The following TTPA variants were observed in gnomAD, a reference collection of about 807,000 sequenced individuals.
TTPA encodes the protein alpha tocopherol transfer protein.
A neutral mutation model predicts 25.9 loss-of-function variants in TTPA; 23 were observed. The observed-to-expected ratio is 0.89, with a 90% confidence interval of 0.64 to 1.26. The LOEUF (loss-of-function observed/expected upper bound fraction) is 1.26. TTPA is among the 50% of genes most tolerant of loss of function. TTPA has a pLI of 0.00. For missense variants in TTPA, 337 were observed against 353.1 expected (o/e 0.95, Z 0.37); for synonymous variants, 148 against 137.3 (o/e 1.08, Z -0.54).
intron 2 of TTPA, among the ~76,000 whole-genome samples, chr8:63,068,179 C>T (rs371245794): frequency 6.6e-6 from 1 of 152,036 alleles, no homozygotes; most frequent in Non-Finnish European, 1.5e-5. Flanking sequence ...ACATGATGAT[C>T]CACAACAGGG....
At chr8:63,058,575 TATTA>T (rs1368212020), downstream of TTPA, among the ~76,000 whole-genome samples, 1 of 152,224 alleles carries the variant, frequency 6.6e-6, no homozygotes, top group Non-Finnish European at 1.5e-5. Flanking sequence ...TTTGACACTT[TATTA>T]ATTTGACCAT....
intron 1 of TTPA, among the ~76,000 whole-genome samples, chr8:63,078,836 A>C (rs1805613908): frequency 6.6e-6 from 1 of 152,182 alleles, no homozygotes; most frequent in Admixed American, 6.5e-5. Context: ...AATACAGAGA[A>C]CACCACAAAG....
At position 63,060,227 on chromosome 8, in the gene TTPA, TCATAAGAATGAC is replaced by T. The variant is rs1478018042; in HGVS notation, c.*1013_*1024del. On this transcript the variant is annotated 3_prime_UTR_variant, in exon 5 of 5. Transcript: ENST00000260116. Reference sequence around the variant, plus strand: ...TATGATTCCATCCCTTTCCGTGTAGTCATAAGAATGACCATAAGCAAAAGTTAAAATTACATT... The same window carrying T: ...TATGATTCCATCCCTTTCCGTGTAGTCATAAGCAAAAGTTAAAATTACATT... 2 of 152,222 alleles carry T rather than the reference TCATAAGAATGAC, an allele frequency of 1.3e-5. No individual in the cohort carries two copies. The highest frequency in any genetic ancestry group is 4.8e-5 in the African/African-American group (2 of 41,444). The allele number at this position is 152,222 out of a possible 1,614,324, so 9.4% of individuals were successfully genotyped here.
Position 63,068,840 on chromosome 8 carries a change from T to A in TTPA, c.359-2743A>T, listed in dbSNP as rs537616702. The stretch of plus-strand genomic sequence containing the variant: ...TCATATTAATGGATCCTTCAGGAGG[T>A]GTGTTAGTGTTTTTTAAAAGCCTCA... On this transcript the variant is annotated intron_variant, in intron 2 of 4. Coordinates refer to ENST00000260116, the MANE Select transcript of TTPA (RefSeq NM_000370.3). Among the ~76,000 whole-genome samples the A allele has an allele frequency of 7.2e-5, 11 of 152,116 alleles. No homozygotes were observed. The East Asian group carries it at 1.5e-3, about 21-fold the overall frequency.
At chr8:63,081,689 G>A (rs944030564) in intron 1 of TTPA, among the ~76,000 whole-genome samples, 4 of 152,194 alleles carry the variant, frequency 2.6e-5, no homozygotes, top group Admixed American at 1.3e-4. Flanking sequence ...TTAGGAAATG[G>A]GAAGTCAAAT....
At chr8:63,070,874 T>C (rs1380313682) in intron 2 of TTPA, among the ~76,000 whole-genome samples, 1 of 152,058 alleles carries the variant, frequency 6.6e-6, no homozygotes, top group East Asian at 1.9e-4. Flanking sequence ...CTGAGTAGAG[T>C]TGCCAGGTAA....
rs7846558 is a variant in TTPA at position 63,070,263 on chromosome 8, T to A, written c.358+2672A>T. Reference sequence around the variant, plus strand: ...TCTCAAAAAACATAAAATTATATCCTACAGCATGTTGGCTGATAAAGGTCA... The same window carrying A: ...TCTCAAAAAACATAAAATTATATCCAACAGCATGTTGGCTGATAAAGGTCA... On this transcript the variant is annotated intron_variant, in intron 2 of 4. Transcript: ENST00000260116. Among the ~76,000 whole-genome samples, 1,134 of 152,330 alleles carry A rather than the reference T, an allele frequency of 7.4e-3. 4 individuals are homozygous for A. Among genetic ancestry groups the A allele is most frequent in the Non-Finnish European group, 0.012 (844 of 68,022 alleles).
intron 2 of TTPA, among the ~76,000 whole-genome samples, chr8:63,070,662 C>G (rs751731971): frequency 3.9e-5 from 6 of 152,048 alleles, no homozygotes; most frequent in Admixed American, 2.0e-4. Context: ...AGAAAAATAC[C>G]CCTACTGGTT....
chr8:63,065,396 C>CA (rs1805373521), intron 3 of TTPA, among the ~76,000 whole-genome samples: 1 of 152,110 alleles, frequency 6.6e-6, no homozygotes, highest in Non-Finnish European at 1.5e-5. Context: ...AAACACTTAG[C>CA]AAAGTACCTG....
intron 2 of TTPA, among the ~76,000 whole-genome samples, chr8:63,068,520 G>T (rs1358949283): frequency 6.6e-6 from 1 of 152,204 alleles, no homozygotes; most frequent in Non-Finnish European, 1.5e-5. Context: ...TTTCAGCAGG[G>T]ATGGGAGTGA....
intron 4 of TTPA, among the ~76,000 whole-genome samples, chr8:63,063,500 A>G (rs1204153170): frequency 8.9e-6 from 1 of 112,178 alleles, no homozygotes; most frequent in African/African-American, 4.8e-5. Context: ...GTTTATTTTT[A>G]TTTGCATTAA....
At chr8:63,066,774 A>G (rs995186200) in intron 2 of TTPA, among the ~76,000 whole-genome samples, 8 of 152,228 alleles carry the variant, frequency 5.3e-5, no homozygotes, top group Admixed American at 2.6e-4. Flanking sequence ...GGACAAGCAG[A>G]TAATCTTTTT....
intron 1 of TTPA, among the ~76,000 whole-genome samples, chr8:63,080,522 C>G (rs1458773110): frequency 6.6e-6 from 1 of 152,082 alleles, no homozygotes; most frequent in East Asian, 1.9e-4. Context: ...GAGATCAAGA[C>G]CATCCTAGCT....
intron 2 of TTPA, among the ~76,000 whole-genome samples, chr8:63,071,029 GT>G (rs1474865880): frequency 2.6e-5 from 4 of 152,022 alleles, no homozygotes; most frequent in African/African-American, 9.7e-5. Flanking sequence ...TAACATATAG[GT>G]TTATTTCCTA....
intron 1 of TTPA, among the ~76,000 whole-genome samples, chr8:63,081,376 A>G (rs1157786010): frequency 1.3e-5 from 2 of 152,226 alleles, no homozygotes; most frequent in Non-Finnish European, 2.9e-5. Flanking sequence ...GATAAACAGA[A>G]TCAATGACAA....
At chr8:63,073,611 A>C (rs1805516047) in intron 1 of TTPA, among the ~76,000 whole-genome samples, 1 of 152,148 alleles carries the variant, frequency 6.6e-6, no homozygotes, top group African/African-American at 2.4e-5. Flanking sequence ...GGATAGTGTG[A>C]CCTCAGCCAA....
rs1415960230 is a variant in TTPA, at chr8:63,059,751, C to G, written c.*1501G>C. The stretch of plus-strand genomic sequence containing the variant: ...GAAATATTATAAACTGCAGTAGAAA[C>G]AGTACATCTTTACCGGTTATTTATT... On this transcript the variant is annotated 3_prime_UTR_variant, in exon 5 of 5. Coordinates refer to ENST00000260116, the MANE Select transcript of TTPA (RefSeq NM_000370.3). The G allele has an allele frequency of 6.6e-6, 1 of 152,006 alleles. No individual in the cohort carries two copies. The highest frequency in any genetic ancestry group is 1.5e-5 in the Non-Finnish European group (1 of 67,982). 9.4% of individuals were successfully genotyped at this position (152,006 alleles called of 1,614,324 possible). A position where few individuals can be genotyped will look rare whatever the true frequency, so the allele number is the denominator to read the frequency against.
chr8:63,065,035 C>T (rs1385661595), intron 3 of TTPA, among the ~76,000 whole-genome samples: 2 of 152,148 alleles, frequency 1.3e-5, no homozygotes, highest in Non-Finnish European at 2.9e-5. Flanking sequence ...TGATACAATA[C>T]AGCTTTTGCA....
At chr8:63,081,384 C>G (rs946320116) in intron 1 of TTPA, among the ~76,000 whole-genome samples, 4 of 152,074 alleles carry the variant, frequency 2.6e-5, no homozygotes, top group Non-Finnish European at 5.9e-5. Context: ...GAATCAATGA[C>G]AAAAACCACA....
Sources: gnomAD v4.1 joint callset for allele counts (sites outside exome capture counted in the v4.1 genomes callset) on GRCh38, gnomAD v4.1.1 for gene constraint, MANE v1.5 for transcripts, NCBI Gene and HGNC (gene_info 2026-07-23, HGNC 2026-07-21) for gene names.